Variants in FHIT observed in about 807,000 individuals in gnomAD.
The protein encoded by FHIT is bis(5'-adenosyl)-triphosphatase.
In FHIT, 19 loss-of-function variants were observed where a neutral mutation model predicts 17.9. The ratio of observed to expected loss-of-function variants is 1.06; its 90% CI spans 0.74 to 1.56. FHIT has a LOEUF of 1.56. Ranked by LOEUF, FHIT falls within the 40% of genes most tolerant of loss-of-function variation. The pLI is 0.00. For missense variants in FHIT, 248 were observed against 189.2 expected, an observed-to-expected ratio of 1.31 and a Z score of -1.82; for synonymous variants, 81 against 69.7, an observed-to-expected ratio of 1.16 and a Z score of -0.81.
At chr3:60,212,294 T>C (rs773428346) in intron 5 of FHIT, among the ~76,000 whole-genome samples, 20 of 152,136 alleles carry the variant, frequency 1.3e-4, no homozygotes, top group Non-Finnish European at 2.5e-4. Flanking sequence ...TCTGAGGCAC[T>C]CCCAACATAG....
chr3:60,912,066 C>CAT (rs1553766037), intron 3 of FHIT, among the ~76,000 whole-genome samples: 1 of 151,916 alleles, frequency 6.6e-6, no homozygotes. Context: ...CACACACACA[C>CAT]ACACACGTAC....
chr3:59,869,484 C>CTTTTTTTTTTTTTTTTTTTTTTT lies in FHIT; in HGVS notation c.348+52861_348+52862insAAAAAAAAAAAAAAAAAAAAAAA, dbSNP rs59589849. On this transcript the variant is annotated intron_variant, in intron 8 of 9. Transcript: ENST00000492590. The stretch of plus-strand genomic sequence containing the variant: ...ATTCCATCTTTCCTTAAAGAACATC[C>CTTTTTTTTTTTTTTTTTTTTTTT]TTTTTTTTTTTTTTTTAGACAGAGT... Among the ~76,000 whole-genome samples, 69 of 105,482 alleles carry CTTTTTTTTTTTTTTTTTTTTTTT rather than the reference C, an allele frequency of 6.5e-4. 12 individuals are homozygous for CTTTTTTTTTTTTTTTTTTTTTTT. Among genetic ancestry groups the CTTTTTTTTTTTTTTTTTTTTTTT allele is most frequent in the Non-Finnish European group, 1.1e-3 (59 of 54,396 alleles). The allele number at this position is 105,482 out of a possible 152,430, so 69.2% of individuals were successfully genotyped here. A position where few individuals can be genotyped will look rare whatever the true frequency, so the allele number is the denominator to read the frequency against.
At chr3:60,465,961 G>A (rs2032766557) in intron 5 of FHIT, among the ~76,000 whole-genome samples, 1 of 151,980 alleles carries the variant, frequency 6.6e-6, no homozygotes, top group Non-Finnish European at 1.5e-5. Flanking sequence ...CATTGAATCT[G>A]CAGATTGCTT....
Position 60,282,872 on chromosome 3 carries a change from G to C in FHIT, c.103+253988C>G, listed in dbSNP as rs1707527621. On this transcript the variant is annotated intron_variant, in intron 5 of 9. Coordinates refer to ENST00000492590, the MANE Select transcript of FHIT (RefSeq NM_002012.4). Reference sequence around the variant, plus strand: ...AACCCCTATTTCAAACAAGTAGGAAGATTCTTATGGCTGCTAAGATATCAG... The same window carrying C: ...AACCCCTATTTCAAACAAGTAGGAACATTCTTATGGCTGCTAAGATATCAG... Among the ~76,000 whole-genome samples the C allele has an allele frequency of 2.0e-5, 3 of 152,132 alleles. No homozygotes were observed. The South Asian group carries it at 6.2e-4, about 31-fold the overall frequency.
At chr3:60,305,093 T>C (rs536539411) in intron 5 of FHIT, among the ~76,000 whole-genome samples, 3 of 152,262 alleles carry the variant, frequency 2.0e-5, no homozygotes, top group Admixed American at 6.5e-5. Context: ...GATTGGGGGC[T>C]GGGGTTTGCA....
intron 5 of FHIT, among the ~76,000 whole-genome samples, chr3:60,347,979 A>C (rs1710881698): frequency 2.0e-5 from 3 of 152,092 alleles, no homozygotes; most frequent in African/African-American, 7.2e-5. Context: ...GGCTGGTCTC[A>C]AACTCCTCAC....
rs540840788 is a variant in FHIT, at chr3:60,129,574, C to G, written c.104-115422G>C. On this transcript the variant is annotated intron_variant, in intron 5 of 9. Coordinates refer to ENST00000492590, the MANE Select transcript of FHIT (RefSeq NM_002012.4). ...GCTCTTAACAAAGCTGTATCAAACTCCTTTTCTTCTGAGTAATATATTATG... is the reference window on the plus strand; with the variant it reads ...GCTCTTAACAAAGCTGTATCAAACTGCTTTTCTTCTGAGTAATATATTATG... 3.3e-5 allele frequency among the ~76,000 whole-genome samples: 5 copies of G among 152,258 alleles called. No homozygotes were observed. The East Asian group carries it at 9.6e-4, about 29-fold the overall frequency.
chr3:60,379,839 A>C (rs1700725882), intron 5 of FHIT, among the ~76,000 whole-genome samples: 1 of 152,214 alleles, frequency 6.6e-6, no homozygotes, highest in Non-Finnish European at 1.5e-5. Context: ...GCGTTGCAAA[A>C]GAATACCTAG....
chr3:60,676,631 C>T (rs890703608), intron 4 of FHIT, among the ~76,000 whole-genome samples: 11 of 152,154 alleles, frequency 7.2e-5, no homozygotes, highest in African/African-American at 2.7e-4. Flanking sequence ...CAACTTCATA[C>T]AGCTGCTACC....
At chr3:60,700,482 T>A (rs2041220548) in intron 4 of FHIT, among the ~76,000 whole-genome samples, 1 of 152,190 alleles carries the variant, frequency 6.6e-6, no homozygotes, top group African/African-American at 2.4e-5. Context: ...GGTTATAGTA[T>A]AAATATATTC....
chr3:60,644,314 A>C (rs1398957201), intron 4 of FHIT, among the ~76,000 whole-genome samples: 6 of 152,182 alleles, frequency 3.9e-5, no homozygotes, highest in African/African-American at 1.4e-4. Context: ...TAATATTAAA[A>C]TGGGAGAAAA....
In FHIT at chr3:60,661,497, T is replaced by C. The variant is rs184977163; in HGVS notation, c.-17-124518A>G. 1.3e-4 allele frequency among the ~76,000 whole-genome samples: 20 copies of C among 152,356 alleles called. No homozygotes were observed. The East Asian group carries it at 1.7e-3, about 13-fold the overall frequency. On this transcript the variant is annotated intron_variant, in intron 4 of 9. Coordinates refer to ENST00000492590, the MANE Select transcript of FHIT (RefSeq NM_002012.4). ...GTTCCATAGTTTTGCAATTGGAAAT[T>C]GTGCTGCTATAAACATGTGTGTGCA...
chr3:59,893,985 C>A (rs776248926), intron 8 of FHIT, among the ~76,000 whole-genome samples: 1 of 152,124 alleles, frequency 6.6e-6, no homozygotes, highest in Non-Finnish European at 1.5e-5. Flanking sequence ...TGGATTCCAG[C>A]AGGGAGCAGT....
At chr3:60,826,180 A>T (rs1203016169) in intron 3 of FHIT, among the ~76,000 whole-genome samples, 1 of 135,502 alleles carries the variant, frequency 7.4e-6, no homozygotes, top group African/African-American at 3.6e-5. Context: ...GAAGGAAGGA[A>T]GGAAGGAAGG....
At chr3:60,417,821 G>C (rs1020800090) in intron 5 of FHIT, among the ~76,000 whole-genome samples, 2 of 152,172 alleles carry the variant, frequency 1.3e-5, no homozygotes, top group South Asian at 2.1e-4. Flanking sequence ...TATGTGTTAA[G>C]AGCATCTCAG....
intron 2 of FHIT, among the ~76,000 whole-genome samples, chr3:61,134,476 G>C (rs1029750368): frequency 2.0e-5 from 3 of 152,060 alleles, no homozygotes; most frequent in Non-Finnish European, 4.4e-5. Flanking sequence ...AGAGCAGATA[G>C]GATCAAGATC....
intron 5 of FHIT, among the ~76,000 whole-genome samples, chr3:60,238,531 G>T (rs145299105): frequency 6.9e-6 from 1 of 145,950 alleles, no homozygotes; most frequent in African/African-American, 2.5e-5. Flanking sequence ...TAAAATAAAA[G>T]ATTAAAACAT....
At chr3:59,830,746 G>C (rs1371950045) in intron 8 of FHIT, among the ~76,000 whole-genome samples, 1 of 152,172 alleles carries the variant, frequency 6.6e-6, no homozygotes, top group East Asian at 1.9e-4. Flanking sequence ...CCCATGAGCA[G>C]GGCCTTTTGC....
In FHIT at chr3:60,043,695, A is replaced by G. The variant is rs1267685358; in HGVS notation, c.104-29543T>C. 2.4e-5 allele frequency among the ~76,000 whole-genome samples: 3 copies of G among 124,500 alleles called. No homozygotes were observed. The East Asian group carries it at 6.4e-4, about 27-fold the overall frequency. 81.7% of individuals were successfully genotyped at this position (124,500 alleles called of 152,430 possible). A position where few individuals can be genotyped will look rare whatever the true frequency, so the allele number is the denominator to read the frequency against. On this transcript the variant is annotated intron_variant, in intron 5 of 9. Transcript: ENST00000492590. ...AGACAGATAGATAGATAGATAAAATATCTATTTTCTCCCCCCAAAATCTAT... is the reference window on the plus strand; with the variant it reads ...AGACAGATAGATAGATAGATAAAATGTCTATTTTCTCCCCCCAAAATCTAT...
Sources: gnomAD v4.1 joint callset for allele counts (sites outside exome capture counted in the v4.1 genomes callset) on GRCh38, gnomAD v4.1.1 for gene constraint, MANE v1.5 for transcripts, NCBI Gene and HGNC (gene_info 2026-07-23, HGNC 2026-07-21) for gene names.